Variants in ADAMTS17 observed in about 807,000 individuals in gnomAD.
ADAMTS17 encodes ADAM metallopeptidase with thrombospondin type 1 motif 17.
In ADAMTS17, 113 loss-of-function variants were observed where a neutral mutation model predicts 141.5. The ratio of observed to expected loss-of-function variants is 0.80; its 90% confidence interval spans 0.69 to 0.93. The LOEUF (loss-of-function observed/expected upper bound fraction) is 0.93. Ranked by LOEUF, ADAMTS17 falls within the 40% of genes least tolerant of loss-of-function variation. ADAMTS17 has a pLI of 0.00. For missense variants in ADAMTS17, 1,659 were observed against 1,517.9 expected, an observed-to-expected ratio of 1.09 and a Z score of -1.54; for synonymous variants, 768 against 630.6, an observed-to-expected ratio of 1.22 and a Z score of -3.27.
At chr15:100,041,903 C>A (rs986960366) in intron 18 of ADAMTS17, among the ~76,000 whole-genome samples, 1 of 152,162 alleles carries the variant, frequency 6.6e-6, no homozygotes, top group African/African-American at 2.4e-5. Flanking sequence ...AGGAAAAAGA[C>A]AAACATCTCT....
chr15:100,263,130 T>G (rs1347224871), intron 4 of ADAMTS17, among the ~76,000 whole-genome samples: 4 of 152,136 alleles, frequency 2.6e-5, no homozygotes, highest in African/African-American at 9.7e-5. Flanking sequence ...AAAACTTCCA[T>G]TCTGGGCTTT....
chr15:100,209,113 CAAAAA>C (rs60742726), intron 7 of ADAMTS17, among the ~76,000 whole-genome samples: 1 of 96,960 alleles, frequency 1.0e-5, no homozygotes, highest in East Asian at 2.9e-4. Context: ...GCCAAGTTAG[CAAAAA>C]AAAAAAAAAA....
rs142310576 is a variant in ADAMTS17 at position 100,095,418 on chromosome 15, G to C, written c.2137+938C>G. Reference sequence around the variant, plus strand: ...TCCTATCCACACAGAGAAAAGTGGAGAGGAGAGCATGCCTCACCTTACGGG... The same window carrying C: ...TCCTATCCACACAGAGAAAAGTGGACAGGAGAGCATGCCTCACCTTACGGG... On this transcript the variant is annotated intron_variant, in intron 15 of 21. Transcript: ENST00000268070. Among the ~76,000 whole-genome samples the C allele has an allele frequency of 4.8e-4, 73 of 152,322 alleles. No individual in the cohort carries two copies. In the East Asian group the frequency reaches 0.012, roughly 26 times the overall value.
intron 4 of ADAMTS17, among the ~76,000 whole-genome samples, chr15:100,265,906 G>A (rs1325932140): frequency 6.6e-6 from 1 of 152,176 alleles, no homozygotes; most frequent in Non-Finnish European, 1.5e-5. Context: ...CCCTGGGTGT[G>A]GGCAGGTCAT....
chr15:100,203,097 C>T (rs1170039580), intron 7 of ADAMTS17, among the ~76,000 whole-genome samples: 6 of 152,202 alleles, frequency 3.9e-5, no homozygotes, highest in Non-Finnish European at 8.8e-5. Context: ...GCTCTGAACA[C>T]TCGACCCTCC....
intron 8 of ADAMTS17, among the ~76,000 whole-genome samples, chr15:100,177,330 T>C (rs2040372568): frequency 6.6e-6 from 1 of 152,216 alleles, no homozygotes; most frequent in Non-Finnish European, 1.5e-5. Flanking sequence ...ATCCCACAAA[T>C]TTTGATAAAA....
intron 7 of ADAMTS17, among the ~76,000 whole-genome samples, chr15:100,233,404 G>A (rs539557243): frequency 9.6e-4 from 146 of 152,152 alleles, no homozygotes; most frequent in African/African-American, 3.5e-3. Flanking sequence ...ATGGTCAACA[G>A]GAGTCACAAA....
At chr15:100,245,115 A>G (rs1365819200) in intron 7 of ADAMTS17, among the ~76,000 whole-genome samples, 3 of 152,016 alleles carry the variant, frequency 2.0e-5, no homozygotes, top group African/African-American at 7.2e-5. Flanking sequence ...AACAAGAGAC[A>G]CTCCTTCTAC....
intron 3 of ADAMTS17, among the ~76,000 whole-genome samples, chr15:100,327,700 T>G (rs571434238): frequency 2.0e-5 from 3 of 152,290 alleles, no homozygotes; most frequent in African/African-American, 7.2e-5. Flanking sequence ...CAAGGAACAT[T>G]TCAAAATATC....
At chr15:100,244,437 A>C (rs2042925292) in intron 7 of ADAMTS17, among the ~76,000 whole-genome samples, 2 of 150,452 alleles carry the variant, frequency 1.3e-5, no homozygotes, top group Non-Finnish European at 1.5e-5. Flanking sequence ...CCCCACCCAA[A>C]TCTCATCTAG....
chr15:100,340,507 G>T (rs566631249), intron 2 of ADAMTS17, among the ~76,000 whole-genome samples: 1 of 152,314 alleles, frequency 6.6e-6, no homozygotes, highest in African/African-American at 2.4e-5. Context: ...TAGGAAGAGT[G>T]GGGTGAGCCG....
In ADAMTS17 at chr15:100,178,011, G is replaced by C. The variant is rs187002180; in HGVS notation, c.1181+21307C>G. On this transcript the variant is annotated intron_variant, in intron 8 of 21. Coordinates refer to ENST00000268070, the MANE Select transcript of ADAMTS17 (RefSeq NM_139057.4). ...TTTTTCCCACAATGAATGTTTTCAT[G>C]ATGTATTTTTTCAATTTTTAAAATT... is the stretch of plus-strand genomic sequence containing the variant. Among the ~76,000 whole-genome samples, 4 of 152,030 alleles carry C rather than the reference G, an allele frequency of 2.6e-5. No homozygotes were observed. In the South Asian group the frequency reaches 8.3e-4, roughly 32 times the overall value.
intron 7 of ADAMTS17, among the ~76,000 whole-genome samples, chr15:100,239,147 A>C (rs1193952494): frequency 1.3e-5 from 2 of 152,244 alleles, no homozygotes; most frequent in Non-Finnish European, 2.9e-5. Context: ...CTGGGGTCAG[A>C]GCCTAGCTTG....
chr15:100,268,152 G>A (rs1473244138), intron 4 of ADAMTS17, among the ~76,000 whole-genome samples: 6 of 152,072 alleles, frequency 3.9e-5, no homozygotes, highest in Admixed American at 2.0e-4. Flanking sequence ...CAGCTGTGTA[G>A]TATTCTATGG....
At chr15:100,035,463 A>T (rs148755815) in intron 18 of ADAMTS17, among the ~76,000 whole-genome samples, 8 of 152,236 alleles carry the variant, frequency 5.3e-5, no homozygotes, top group Non-Finnish European at 8.8e-5. Context: ...TCTTATTTTC[A>T]CTGTCTCACC....
At chr15:100,290,879 C>G (rs1399795040) in intron 3 of ADAMTS17, among the ~76,000 whole-genome samples, 1 of 152,084 alleles carries the variant, frequency 6.6e-6, no homozygotes, top group Admixed American at 6.6e-5. Flanking sequence ...AATGTAAAAC[C>G]TAAAACTATA....
At position 100,211,812 on chromosome 15, in the gene ADAMTS17, T is replaced by G. The variant is rs539770588; in HGVS notation, c.1076-12389A>C. 4.9e-4 allele frequency among the ~76,000 whole-genome samples: 74 copies of G among 152,324 alleles called. No homozygotes were observed. The South Asian group carries it at 6.6e-3, about 14-fold the overall frequency. Reference sequence around the variant, plus strand: ...AGAAGATATCAATTCACACCCAGCATGTTGACAAAACAAAAAATTCTGACA... The same window carrying G: ...AGAAGATATCAATTCACACCCAGCAGGTTGACAAAACAAAAAATTCTGACA... On this transcript the variant is annotated intron_variant, in intron 7 of 21. Coordinates refer to ENST00000268070, the MANE Select transcript of ADAMTS17 (RefSeq NM_139057.4).
At chr15:100,051,519 C>G in intron 17 of ADAMTS17, 53 bp downstream of exon 17, 1 of 1,611,378 alleles carries the variant, frequency 6.2e-7, no homozygotes, top group Non-Finnish European at 8.5e-7. Context: ...ATGCCTTTCT[C>G]CTTCCTTCAG....
intron 2 of ADAMTS17, among the ~76,000 whole-genome samples, chr15:100,334,172 G>A (rs1266553173): frequency 2.0e-5 from 3 of 152,180 alleles, no homozygotes; most frequent in Non-Finnish European, 4.4e-5. Flanking sequence ...GAAGCAGGAC[G>A]AGCTCTCACT....
Sources: gnomAD v4.1 joint callset for allele counts (sites outside exome capture counted in the v4.1 genomes callset) on GRCh38, gnomAD v4.1.1 for gene constraint, MANE v1.5 for transcripts, NCBI Gene and HGNC (gene_info 2026-07-23, HGNC 2026-07-21) for gene names.